The following HIVEP1 variants were observed in gnomAD, a reference collection of about 807,000 sequenced individuals.
HIVEP1 encodes zinc finger protein 40.
A neutral mutation model predicts 180.0 loss-of-function variants in HIVEP1; 36 were observed. That is an observed-to-expected ratio of 0.20 (90% CI 0.15 to 0.26). The LOEUF (loss-of-function observed/expected upper bound fraction) is 0.26. Among genes scored for constraint, HIVEP1 ranks in the 10% least tolerant of loss-of-function variants. The pLI is 1.00. For missense variants in HIVEP1, 3,143 were observed against 3,268.7 expected (o/e 0.96, Z 0.94); for synonymous variants, 1,239 against 1,239.0 (o/e 1.00, Z 0.00).
intron 2 of HIVEP1, among the ~76,000 whole-genome samples, chr6:12,082,887 G>A (rs1237024940): frequency 6.6e-6 from 1 of 152,062 alleles, no homozygotes; most frequent in Non-Finnish European, 1.5e-5. Context: ...CCATGTTTTA[G>A]GAATTATTCT....
the HIVEP1 span, among the ~76,000 whole-genome samples, chr6:12,197,552 C>CAAAAA: frequency 1.0e-5 from 1 of 98,934 alleles, no homozygotes; most frequent in Non-Finnish European, 2.0e-5. Flanking sequence ...GAGACTGTCT[C>CAAAAA]AAAAAAAAAA....
intron 7 of HIVEP1, among the ~76,000 whole-genome samples, chr6:12,156,546 G>A (rs1184900451): frequency 6.6e-6 from 1 of 152,058 alleles, no homozygotes; most frequent in Non-Finnish European, 1.5e-5. Flanking sequence ...TTGCTGGTGT[G>A]CAGTCTTATT....
chr6:12,095,709 T>C (rs974378713), intron 3 of HIVEP1, among the ~76,000 whole-genome samples: 1 of 151,994 alleles, frequency 6.6e-6, no homozygotes, highest in Non-Finnish European at 1.5e-5. Flanking sequence ...ATAAGTAAAT[T>C]AATCATTTTG....
intron 7 of HIVEP1, among the ~76,000 whole-genome samples, chr6:12,152,876 A>G (rs551911558): frequency 1.3e-5 from 2 of 152,362 alleles, no homozygotes; most frequent in South Asian, 4.1e-4. Flanking sequence ...GAAATTTAAT[A>G]TAATCAAGGC....
chr6:12,131,433 T>TC (rs1758411238), intron 6 of HIVEP1, among the ~76,000 whole-genome samples: 1 of 151,782 alleles, frequency 6.6e-6, no homozygotes, highest in Non-Finnish European at 1.5e-5. Flanking sequence ...ACAATGCTTT[T>TC]TTTTACATAA....
At chr6:12,077,819 T>C (rs1356251202) in intron 2 of HIVEP1, among the ~76,000 whole-genome samples, 4 of 152,158 alleles carry the variant, frequency 2.6e-5, no homozygotes, top group Admixed American at 2.6e-4. Context: ...CAAGAGGGGG[T>C]TGGACAGTTA....
chr6:12,092,008 A>G (rs1372450399), intron 3 of HIVEP1, among the ~76,000 whole-genome samples: 1 of 152,176 alleles, frequency 6.6e-6, no homozygotes, highest in Non-Finnish European at 1.5e-5. Context: ...TAATACTCTT[A>G]AATTTTTATC....
chr6:12,089,438 C>G (rs1441684867), intron 3 of HIVEP1, among the ~76,000 whole-genome samples: 2 of 152,028 alleles, frequency 1.3e-5, no homozygotes, highest in East Asian at 1.9e-4. Context: ...ATAACTGTTT[C>G]CCACATATTA....
intron 2 of HIVEP1, among the ~76,000 whole-genome samples, chr6:12,044,865 A>G (rs140813287): frequency 6.6e-6 from 1 of 152,310 alleles, no homozygotes; most frequent in East Asian, 1.9e-4. Flanking sequence ...TTTGCAGTGA[A>G]GTGCCTCAGC....
intron 3 of HIVEP1, among the ~76,000 whole-genome samples, chr6:12,096,206 A>G (rs768332322): frequency 1.3e-5 from 2 of 152,050 alleles, no homozygotes; most frequent in Non-Finnish European, 2.9e-5. Context: ...ATCACCATCT[A>G]TATAAGAGTA....
intron 2 of HIVEP1, among the ~76,000 whole-genome samples, chr6:12,025,132 A>T (rs1358247679): frequency 6.6e-6 from 1 of 152,184 alleles, no homozygotes; most frequent in Non-Finnish European, 1.5e-5. Context: ...GCCCAGGGTC[A>T]CATAGCTAGG....
chr6:12,187,526 G>A, the HIVEP1 span, among the ~76,000 whole-genome samples: 1 of 151,848 alleles, frequency 6.6e-6, no homozygotes, highest in Non-Finnish European at 1.5e-5. Context: ...GCAGCTTGTG[G>A]CCCTTGCTGG....
At position 12,124,117 on chromosome 6, in the gene HIVEP1, G is replaced by A. The variant is rs369103699; in HGVS notation, c.4322G>A (p.Ser1441Asn). The A allele has an allele frequency of 1.2e-6, 2 of 1,614,022 alleles. No individual in the cohort carries two copies. The highest frequency in any genetic ancestry group is 2.7e-5 in the African/African-American group (2 of 74,912). The change falls in exon 4 of 9, where the codon AGT (serine) becomes AAT (asparagine). Residue 1441 changes from serine (S) to asparagine (N), a missense_variant. By Grantham distance (46) the Ser-to-Asn change is conservative (BLOSUM62 1). Around this residue, in one of 12 missense-constraint regions of HIVEP1, gnomAD observed 1,357 missense variants for 1,260.5 expected, o/e 1.08. Transcript: ENST00000379388. The stretch of plus-strand genomic sequence containing the variant: ...ATATCTTTAAACATAGCCCCAGATA[G>A]TCATCTGTCTCCTGTACACCCAACA... ...RQISLNIAPDSHLSPVHPTSF... is the reference protein window; with the variant it reads ...RQISLNIAPDNHLSPVHPTSF...
At chr6:12,155,770 T>C (rs925385474) in intron 7 of HIVEP1, among the ~76,000 whole-genome samples, 4 of 152,200 alleles carry the variant, frequency 2.6e-5, no homozygotes, top group Non-Finnish European at 5.9e-5. Flanking sequence ...TACCCAGTAA[T>C]GTGATTGCTG....
intron 3 of HIVEP1, among the ~76,000 whole-genome samples, chr6:12,115,503 C>T (rs909132546): frequency 6.6e-6 from 1 of 151,946 alleles, no homozygotes; most frequent in African/African-American, 2.4e-5. Context: ...TTTGGTCCCT[C>T]TCCTGAGTGT....
At chr6:12,102,409 G>T (rs999565778) in intron 3 of HIVEP1, among the ~76,000 whole-genome samples, 2 of 152,144 alleles carry the variant, frequency 1.3e-5, no homozygotes, top group Non-Finnish European at 2.9e-5. Context: ...GCCATGGAAT[G>T]AAATTAGAAC....
At chr6:12,050,187 A>G (rs559842500) in intron 2 of HIVEP1, among the ~76,000 whole-genome samples, 8 of 152,354 alleles carry the variant, frequency 5.3e-5, no homozygotes, top group African/African-American at 1.9e-4. Context: ...GATTGGGTTT[A>G]GAATTGGGAC....
At chr6:12,150,983 C>A (rs936227156) in intron 7 of HIVEP1, among the ~76,000 whole-genome samples, 1 of 152,320 alleles carries the variant, frequency 6.6e-6, no homozygotes, top group East Asian at 1.9e-4. Context: ...TCTCAGGGAG[C>A]CCCTCCTGCT....
intron 7 of HIVEP1, among the ~76,000 whole-genome samples, chr6:12,147,115 T>G (rs1281214770): frequency 6.6e-6 from 1 of 151,540 alleles, no homozygotes; most frequent in African/African-American, 2.4e-5. Flanking sequence ...AACAAGAGAG[T>G]TCCACAGGGC....
Sources: gnomAD v4.1 joint callset for allele counts (sites outside exome capture counted in the v4.1 genomes callset) on GRCh38, gnomAD v4.1.1 for gene constraint, gnomAD v4.1.1 regional missense constraint, MANE v1.5 for transcripts, NCBI Gene and HGNC (gene_info 2026-07-23, HGNC 2026-07-21) for gene names.